Variants in LRRFIP2 observed in about 807,000 individuals in gnomAD.
LRRFIP2 encodes the protein leucine-rich repeat flightless-interacting protein 2.
LRRFIP2 carries 109 observed loss-of-function variants against 125.9 expected under a neutral mutation model. The observed-to-expected ratio is 0.87, with a 90% CI of 0.74 to 1.01. The LOEUF (loss-of-function observed/expected upper bound fraction) is 1.01, where lower values mean the gene tolerates loss of function less well. Among genes scored for constraint, LRRFIP2 ranks in the 50% least tolerant of loss-of-function variants. The pLI, the probability that LRRFIP2 is intolerant of heterozygous loss-of-function variation, is 0.00. For missense variants in LRRFIP2, 850 were observed against 862.3 expected, an observed-to-expected ratio of 0.99 and a Z score of 0.18; for synonymous variants, 291 against 293.1, an observed-to-expected ratio of 0.99 and a Z score of 0.07.
chr3:37,164,962 G>A (rs1277533371), intron 1 of LRRFIP2, among the ~76,000 whole-genome samples: 1 of 152,064 alleles, frequency 6.6e-6, no homozygotes, highest in Admixed American at 6.5e-5. Context: ...CCAGCCTGGT[G>A]CGGTGGCTGA....
upstream of LRRFIP2, chr3:37,175,897 C>G (rs1412895943): frequency 6.6e-6 from 1 of 152,302 alleles, no homozygotes; most frequent in South Asian, 2.1e-4. Flanking sequence ...GGGGCGACCC[C>G]AGCCCGGGAG....
At chr3:37,155,662 T>C (rs919326377) in intron 1 of LRRFIP2, among the ~76,000 whole-genome samples, 6 of 152,188 alleles carry the variant, frequency 3.9e-5, no homozygotes, top group Admixed American at 3.9e-4. Context: ...AATATTTGCA[T>C]ATTGTTCTAT....
intron 19 of LRRFIP2, among the ~76,000 whole-genome samples, chr3:37,077,766 T>C (rs563535690): frequency 2.6e-4 from 40 of 152,310 alleles, no homozygotes; most frequent in Middle Eastern, 3.4e-3. Context: ...TGGCCATTGA[T>C]AGATGAATGC....
At chr3:37,160,158 G>A (rs915417901) in intron 1 of LRRFIP2, among the ~76,000 whole-genome samples, 1 of 152,056 alleles carries the variant, frequency 6.6e-6, no homozygotes, top group African/African-American at 2.4e-5. Flanking sequence ...TCTGGGGAAG[G>A]GAAGGGTAAG....
rs1291747803 is a variant in LRRFIP2, at chr3:37,094,895, T to C, written c.932A>G (p.Asn311Ser). 1.2e-6 allele frequency: 2 copies of C among 1,608,994 alleles called. No individual in the cohort carries two copies. Among genetic ancestry groups the C allele is most frequent in the Admixed American group, 1.7e-5 (1 of 60,002 alleles). The change falls in exon 17 of 28, where the codon AAT (asparagine) becomes AGT (serine). Residue 311 changes from asparagine to serine, a missense_variant. Asn to Ser is a conservative substitution (Grantham distance 46). Coordinates refer to ENST00000336686, the MANE Select transcript of LRRFIP2 (RefSeq NM_006309.4). ...TAGAGGGGTTGTTGCTGAGGCAGAA[T>C]TTCGAGATGAAGGCTAGAAAGAGAA... is the stretch of plus-strand genomic sequence containing the variant. The part of the protein sequence containing the change: ...AENYTRPSSR[N>S]SASATTPLSG...
intron 18 of LRRFIP2, among the ~76,000 whole-genome samples, chr3:37,084,495 C>T (rs919783911): frequency 1.3e-5 from 2 of 151,584 alleles, no homozygotes; most frequent in African/African-American, 2.4e-5. Flanking sequence ...AAACCTGTCT[C>T]TGTAAAAAAA....
At chr3:37,109,165 A>G (rs1180212255) in intron 11 of LRRFIP2, among the ~76,000 whole-genome samples, 1 of 152,196 alleles carries the variant, frequency 6.6e-6, no homozygotes, top group African/African-American at 2.4e-5. Context: ...AGCTTGCTTT[A>G]TTAGATCCTA....
chr3:37,083,861 C>T (rs1052811436), intron 18 of LRRFIP2, 55 bp from the exon 19 acceptor site: 1 of 1,331,918 alleles, frequency 7.5e-7, no homozygotes, highest in Non-Finnish European at 1.0e-6. Context: ...TGAATACATG[C>T]AATATAACAG....
intron 2 of LRRFIP2, among the ~76,000 whole-genome samples, chr3:37,146,519 T>C (rs1396943168): frequency 2.0e-5 from 3 of 152,208 alleles, no homozygotes; most frequent in Non-Finnish European, 2.9e-5. Context: ...CCTGTGTCCA[T>C]GTGTTCTCAT....
intron 13 of LRRFIP2, 35 bp from the exon 14 acceptor site, chr3:37,105,558 C>T: frequency 6.5e-7 from 1 of 1,542,348 alleles, no homozygotes; most frequent in South Asian, 1.1e-5. Context: ...GAAAAAGATG[C>T]AATTTTGCTA....
At chr3:37,140,442 G>GTATT (rs1407656454) in intron 2 of LRRFIP2, 1 of 143,264 alleles carries the variant, frequency 7.0e-6, no homozygotes, top group Non-Finnish European at 1.5e-5. Flanking sequence ...ATTCATTCAT[G>GTATT]TATTTATTTA....
At chr3:37,093,640 C>G (rs2093582646) in intron 17 of LRRFIP2, among the ~76,000 whole-genome samples, 1 of 152,154 alleles carries the variant, frequency 6.6e-6, no homozygotes, top group Non-Finnish European at 1.5e-5. Flanking sequence ...CTTCCTCTGA[C>G]TGTGATCAAA....
At chr3:37,069,287 T>A (rs2090729871) in intron 21 of LRRFIP2, among the ~76,000 whole-genome samples, 4 of 152,220 alleles carry the variant, frequency 2.6e-5, no homozygotes, top group Admixed American at 2.6e-4. Flanking sequence ...GTTATTTGAA[T>A]ACCCATGTTC....
chr3:37,063,303 T>G (rs2089277645), intron 24 of LRRFIP2, among the ~76,000 whole-genome samples: 1 of 152,146 alleles, frequency 6.6e-6, no homozygotes, highest in South Asian at 2.1e-4. Context: ...AGTATGTGTG[T>G]GGCAGGGACA....
intron 12 of LRRFIP2, 49 bp from the exon 13 acceptor site, chr3:37,108,178 A>G (rs780932177): frequency 2.7e-5 from 39 of 1,432,568 alleles, no homozygotes; most frequent in Non-Finnish European, 3.7e-5. Context: ...TCACCTCATT[A>G]TTCTAATGAG....
intron 15 of LRRFIP2, among the ~76,000 whole-genome samples, chr3:37,097,305 T>TA (rs1406184068): frequency 1.3e-5 from 2 of 152,078 alleles, no homozygotes; most frequent in Non-Finnish European, 2.9e-5. Context: ...ACAAAGTCTT[T>TA]AAAAAAATTC....
At chr3:37,055,600 C>G (rs2086612651) in intron 25 of LRRFIP2, among the ~76,000 whole-genome samples, 1 of 152,114 alleles carries the variant, frequency 6.6e-6, no homozygotes, top group Non-Finnish European at 1.5e-5. Context: ...CAAATGCACA[C>G]ACAACAACCA....
chr3:37,114,515 GCTCACA>G (rs1329543395), intron 7 of LRRFIP2, among the ~76,000 whole-genome samples: 1 of 152,086 alleles, frequency 6.6e-6, no homozygotes, highest in East Asian at 1.9e-4. Flanking sequence ...GGGCATGATG[GCTCACA>G]TATGTAATCC....
intron 6 of LRRFIP2, among the ~76,000 whole-genome samples, chr3:37,120,906 G>T (rs17035968): frequency 6.6e-6 from 1 of 151,914 alleles, no homozygotes; most frequent in Non-Finnish European, 1.5e-5. Flanking sequence ...CAGAAATTAG[G>T]GTCTTGGCAT....
Sources: gnomAD v4.1 joint callset for allele counts (sites outside exome capture counted in the v4.1 genomes callset) on GRCh38, gnomAD v4.1.1 for gene constraint, MANE v1.5 for transcripts, NCBI Gene and HGNC (gene_info 2026-07-23, HGNC 2026-07-21) for gene names.